Variants in ADGRD1 observed in about 807,000 individuals in gnomAD.
ADGRD1 encodes the protein G-protein coupled receptor 133.
ADGRD1 carries 77 observed loss-of-function variants against 113.4 expected under a neutral mutation model. That is an observed-to-expected ratio of 0.68 (90% CI 0.57 to 0.82). ADGRD1 has a LOEUF of 0.82. ADGRD1 is among the 40% of genes least tolerant of loss of function. The pLI, the probability that ADGRD1 is intolerant of heterozygous loss-of-function variation, is 0.00. For missense variants in ADGRD1, 1,036 were observed against 1,139.1 expected (o/e 0.91, Z 1.30); for synonymous variants, 474 against 475.0 (o/e 1.00, Z 0.03).
rs555540756 is a variant in ADGRD1 at position 131,012,503 on chromosome 12, T to C, written c.1332-1696T>C. Among the ~76,000 whole-genome samples the C allele has an allele frequency of 2.6e-5, 4 of 152,286 alleles. No homozygotes were observed. In the East Asian group the frequency reaches 7.7e-4, roughly 29 times the overall value. On this transcript the variant is annotated intron_variant, in intron 12 of 24. Transcript: ENST00000261654. ...GAACAGACAGGGTGTTCATTCTCTA[T>C]GGCGCCATCTTTGTAAACACTTTGT...
rs779235384 is a variant in ADGRD1 at position 131,070,882 on chromosome 12, G to T, written c.1474-5919G>T. The T allele has an allele frequency of 5.8e-6, 3 of 519,076 alleles. No individual in the cohort carries two copies. In the Admixed American group the frequency reaches 5.8e-5, roughly 10 times the overall value. 32.2% of individuals were successfully genotyped at this position (519,076 alleles called of 1,614,324 possible). On this transcript the variant is annotated intron_variant, in intron 13 of 24. Coordinates refer to ENST00000261654, the MANE Select transcript of ADGRD1 (RefSeq NM_198827.5). ...TGGAGTGTCTGCACGGGACGTCCTG[G>T]AGAGTCGGGTGAGTCTGCCATCCAG...
chr12:131,065,658 G>T (rs1205018975), intron 13 of ADGRD1, among the ~76,000 whole-genome samples: 1 of 152,182 alleles, frequency 6.6e-6, no homozygotes, highest in Non-Finnish European at 1.5e-5. Flanking sequence ...GGGAGGGAGG[G>T]GGTCAGAGTG....
chr12:131,060,660 CA>C lies in ADGRD1; in HGVS notation c.1474-16140del, dbSNP rs1884241182. Among the ~76,000 whole-genome samples the C allele has an allele frequency of 6.6e-6, 1 of 152,212 alleles. No homozygotes were observed. Among genetic ancestry groups the C allele is most frequent in the African/African-American group, 2.4e-5 (1 of 41,450 alleles). ...ATTCTTACTCTTTGTCCAACAACAT[CA>C]GAGTCAGTTACCCCTGCCTGTGACA... On this transcript the variant is annotated intron_variant, in intron 13 of 24. Coordinates refer to ENST00000261654, the MANE Select transcript of ADGRD1 (RefSeq NM_198827.5). This position sits in a 1 kb window ranked among gnomAD's most constrained non-coding sequence, Gnocchi z 4.4.
intron 13 of ADGRD1, among the ~76,000 whole-genome samples, chr12:131,044,755 A>T (rs913329065): frequency 4.6e-5 from 7 of 152,152 alleles, no homozygotes; most frequent in Non-Finnish European, 1.0e-4. Flanking sequence ...CACACACACG[A>T]CGGCATCACG....
chr12:131,058,560 C>T (rs1884068071), intron 13 of ADGRD1, among the ~76,000 whole-genome samples: 1 of 152,112 alleles, frequency 6.6e-6, no homozygotes, highest in African/African-American at 2.4e-5. Flanking sequence ...TATGTCCGGC[C>T]TGTTGGCATC....
At position 130,959,169 on chromosome 12, in the gene ADGRD1, G is replaced by A. The variant is rs77737625; in HGVS notation, c.103+4509G>A. Reference sequence around the variant, plus strand: ...CAAACGCCAGCCTACTTTCCACCACGGCCACACCAAACTGTAGTATTTTGT... The same window carrying A: ...CAAACGCCAGCCTACTTTCCACCACAGCCACACCAAACTGTAGTATTTTGT... On this transcript the variant is annotated intron_variant, in intron 2 of 24. Coordinates refer to ENST00000261654, the MANE Select transcript of ADGRD1 (RefSeq NM_198827.5). 3.4e-4 allele frequency among the ~76,000 whole-genome samples: 52 copies of A among 152,280 alleles called. 2 individuals carry two copies. The East Asian group carries it at 7.0e-3, about 20-fold the overall frequency.
At position 131,003,211 on chromosome 12, in the gene ADGRD1, C is replaced by G; in HGVS notation, c.1053C>G (p.Ile351Met). 1 of 1,613,918 alleles carries G rather than the reference C, an allele frequency of 6.2e-7. No individual in the cohort carries two copies. The highest frequency in any genetic ancestry group is 8.5e-7 in the Non-Finnish European group (1 of 1,179,888). The change falls in exon 10 of 25, where the codon ATC becomes ATG. Residue 351 changes from isoleucine (I) to methionine (M), a missense_variant. Physicochemically the swap from Ile to Met is conservative, Grantham distance 10. Coordinates refer to ENST00000261654, the MANE Select transcript of ADGRD1 (RefSeq NM_198827.5). The surrounding 1 kb of genome is among the most constrained non-coding windows in gnomAD (Gnocchi z 4.8). Reference sequence around the variant, plus strand: ...ACAGCGCCGTGGTACTGAGTCTCATCGACACTATTGACACCGTCATGGGCC... The same window carrying G: ...ACAGCGCCGTGGTACTGAGTCTCATGGACACTATTGACACCGTCATGGGCC... ...SEDSAVVLSL[I>M]DTIDTVMGHV...
At chr12:130,990,290 A>G (rs1874223956) in intron 6 of ADGRD1, 3 of 152,258 alleles carry the variant, frequency 2.0e-5, no homozygotes, top group Admixed American at 2.0e-4. Flanking sequence ...AGGGGTGATG[A>G]TGTCATTTCC....
In ADGRD1 at chr12:131,034,209, C is replaced by T. The variant is rs145486913; in HGVS notation, c.1473+19869C>T. Among the ~76,000 whole-genome samples, 720 of 152,352 alleles carry T rather than the reference C, an allele frequency of 4.7e-3. 5 individuals carry two copies. Among genetic ancestry groups the T allele is most frequent in the African/African-American group, 0.016 (684 of 41,576 alleles). On this transcript the variant is annotated intron_variant, in intron 13 of 24. Coordinates refer to ENST00000261654, the MANE Select transcript of ADGRD1 (RefSeq NM_198827.5). ...CCTGCCCACCCTGCCGCACTCTGGG[C>T]CACTCCCCGCCCATTCCACTCCGCT...
At position 130,987,338 on chromosome 12, in the gene ADGRD1, C is replaced by T. The variant is rs201053759; in HGVS notation, c.734C>T (p.Thr245Ile). 2.5e-4 allele frequency: 399 copies of T among 1,614,060 alleles called. No individual in the cohort carries two copies. The highest frequency in any genetic ancestry group is 3.0e-4 in the Non-Finnish European group (359 of 1,180,044). The change falls in exon 6 of 25, where the codon ACT (threonine) becomes ATT (isoleucine). Residue 245 changes from threonine (T) to isoleucine (I), a missense_variant. Thr to Ile is a moderately conservative substitution (Grantham distance 89, BLOSUM62 -1). Transcript: ENST00000261654. ...LTPDEIAMYFTAAIGKHALLS... is the reference protein window; with the variant it reads ...LTPDEIAMYFIAAIGKHALLS... The stretch of plus-strand genomic sequence containing the variant: ...CCGGATGAGATCGCCATGTACTTCA[C>T]TGCTGCCATTGGTCAGTGAGTGTGA...
intron 12 of ADGRD1, among the ~76,000 whole-genome samples, chr12:131,008,493 T>C (rs1417776386): frequency 6.6e-6 from 1 of 152,214 alleles, no homozygotes; most frequent in Non-Finnish European, 1.5e-5. Flanking sequence ...TGAGTCTCAG[T>C]GCACAAAGGG....
chr12:131,066,331 C>T (rs1022316819), intron 13 of ADGRD1, among the ~76,000 whole-genome samples: 10 of 152,330 alleles, frequency 6.6e-5, no homozygotes, highest in East Asian at 1.9e-4. Context: ...GACGCATCTG[C>T]ACCTGCTGCT....
chr12:131,046,185 C>A (rs1882711110), intron 13 of ADGRD1, among the ~76,000 whole-genome samples: 1 of 141,306 alleles, frequency 7.1e-6, no homozygotes, highest in African/African-American at 2.6e-5. Flanking sequence ...GGTCAATGCT[C>A]CCTCCCTGGT....
At chr12:131,133,254 C>G (rs2136102644) in intron 21 of ADGRD1, among the ~76,000 whole-genome samples, 1 of 152,130 alleles carries the variant, frequency 6.6e-6, no homozygotes, top group East Asian at 1.9e-4. Flanking sequence ...CAAAAGCTCA[C>G]AATCCCCTGT....
rs2136127555 is a variant in ADGRD1 at position 131,141,331 on chromosome 12, T to C, written c.*2068T>C. The C allele has an allele frequency of 6.6e-6, 1 of 152,370 alleles. No homozygotes were observed. Among genetic ancestry groups the C allele is most frequent in the African/African-American group, 2.4e-5 (1 of 41,594 alleles). 9.4% of individuals were successfully genotyped at this position (152,370 alleles called of 1,614,324 possible). On this transcript the variant is annotated 3_prime_UTR_variant, in exon 25 of 25. Coordinates refer to ENST00000261654, the MANE Select transcript of ADGRD1 (RefSeq NM_198827.5). ...TGTTTTGGCTTCTGCAGTACTTTTA[T>C]TATCTATACATAATTTGGCCAAAAA...
chr12:131,078,220 A>G (rs4759838), intron 14 of ADGRD1, among the ~76,000 whole-genome samples: 132,671 of 152,240 alleles, frequency 0.87, 58,393 homozygotes, highest in East Asian at 1. Context: ...GTGCAGCAGC[A>G]GGTCGGCATA....
chr12:131,054,506 T>A (rs1008474989), intron 13 of ADGRD1, among the ~76,000 whole-genome samples: 1 of 152,204 alleles, frequency 6.6e-6, no homozygotes, highest in Non-Finnish European at 1.5e-5. Flanking sequence ...TTCTGTGCGC[T>A]CCACCCAGTG....
intron 13 of ADGRD1, among the ~76,000 whole-genome samples, chr12:131,036,237 A>C (rs1171060055): frequency 2.0e-5 from 3 of 151,328 alleles, no homozygotes; most frequent in Non-Finnish European, 4.4e-5. Flanking sequence ...TTACTGCATC[A>C]GGCCTTACTC....
intron 14 of ADGRD1, among the ~76,000 whole-genome samples, chr12:131,077,264 C>G (rs926363385): frequency 1.3e-5 from 2 of 152,132 alleles, no homozygotes; most frequent in African/African-American, 4.8e-5. Context: ...TGGCTTCTGA[C>G]TAGCCACGTT....
Sources: allele counts gnomAD v4.1 joint callset (sites outside exome capture counted in the v4.1 genomes callset), GRCh38; gene constraint gnomAD v4.1.1; non-coding constraint Gnocchi (gnomAD v3.1); transcripts MANE v1.5; gene names NCBI Gene and HGNC (gene_info 2026-07-23, HGNC 2026-07-21).